The following STPG2 variants were observed in gnomAD, a reference collection of about 807,000 sequenced individuals.
STPG2 encodes the protein sperm tail PG-rich repeat containing 2, also known as sperm-tail PG-rich repeat-containing protein 2.
In STPG2, 56 loss-of-function variants were observed where a neutral mutation model predicts 54.2. That is an observed-to-expected ratio of 1.03 (90% CI 0.83 to 1.29). The LOEUF (loss-of-function observed/expected upper bound fraction) is 1.29. Ranked by LOEUF, STPG2 falls within the 50% of genes most tolerant of loss-of-function variation. The pLI, the probability that STPG2 is intolerant of heterozygous loss-of-function variation, is 0.00. For synonymous variants in STPG2, 200 were observed against 181.8 expected (o/e 1.10, Z -0.81); for missense variants, 596 against 544.9 (o/e 1.09, Z -0.93).
At chr4:97,600,688 C>T (rs1733434646) in intron 10 of STPG2, among the ~76,000 whole-genome samples, 1 of 152,210 alleles carries the variant, frequency 6.6e-6, no homozygotes, top group Middle Eastern at 3.4e-3. Context: ...CACACATACA[C>T]ACACAAAAAA....
At chr4:97,892,450 G>A (rs1730805368) in intron 8 of STPG2, among the ~76,000 whole-genome samples, 1 of 152,050 alleles carries the variant, frequency 6.6e-6, no homozygotes, top group Admixed American at 6.6e-5. Flanking sequence ...TATGGCCCAG[G>A]AAAGAGAACA....
chr4:97,592,006 A>G lies in STPG2; in HGVS notation c.1321-32889T>C, dbSNP rs115425779. 2.9e-3 allele frequency among the ~76,000 whole-genome samples: 441 copies of G among 152,330 alleles called. 3 individuals are homozygous for G. The highest frequency in any genetic ancestry group is 1.0e-2 in the African/African-American group (414 of 41,592). On this transcript the variant is annotated intron_variant, in intron 10 of 10. Coordinates refer to ENST00000295268, the MANE Select transcript of STPG2 (RefSeq NM_174952.3). ...TTAAATGATATGCCTAAAACTAAAAACATGTGAATTGTACAAAAAGGAAAT... is the reference window on the plus strand; with the variant it reads ...TTAAATGATATGCCTAAAACTAAAAGCATGTGAATTGTACAAAAAGGAAAT...
At chr4:97,932,143 A>G (rs1427795681) in intron 8 of STPG2, among the ~76,000 whole-genome samples, 1 of 152,060 alleles carries the variant, frequency 6.6e-6, no homozygotes, top group Non-Finnish European at 1.5e-5. Flanking sequence ...TTGCTTCATA[A>G]GTCTAGCTAG....
intron 8 of STPG2, among the ~76,000 whole-genome samples, chr4:97,934,146 T>C (rs1732657253): frequency 6.6e-6 from 1 of 152,210 alleles, no homozygotes; most frequent in Non-Finnish European, 1.5e-5. Context: ...GAATTACTCA[T>C]GATTTGGCTC....
At chr4:97,852,967 C>CTTTTTT (rs574886386) in intron 8 of STPG2, among the ~76,000 whole-genome samples, 4 of 69,630 alleles carry the variant, frequency 5.7e-5, no homozygotes, top group Non-Finnish European at 7.5e-5. Flanking sequence ...AACATATTTT[C>CTTTTTT]TTTTTTTTTT....
chr4:97,870,744 G>A (rs1468100834), intron 8 of STPG2, among the ~76,000 whole-genome samples: 1 of 151,202 alleles, frequency 6.6e-6, no homozygotes, highest in Non-Finnish European at 1.5e-5. Flanking sequence ...CAAATATTCA[G>A]TTCAAGACAG....
chr4:97,512,517 T>C (rs1484500355), intron 4 of STPG2, among the ~76,000 whole-genome samples: 1 of 151,810 alleles, frequency 6.6e-6, no homozygotes, highest in Admixed American at 6.6e-5. Flanking sequence ...AAAGCTAGGA[T>C]TGTGTTTGAA....
intron 9 of STPG2, among the ~76,000 whole-genome samples, chr4:97,783,970 T>G (rs1450606903): frequency 4.0e-5 from 6 of 149,550 alleles, no homozygotes; most frequent in African/African-American, 1.2e-4. Context: ...CTAATGTAAA[T>G]GACGAGTTAA....
intron 8 of STPG2, among the ~76,000 whole-genome samples, chr4:97,877,774 C>G (rs746901064): frequency 6.6e-6 from 1 of 152,070 alleles, no homozygotes; most frequent in Non-Finnish European, 1.5e-5. Flanking sequence ...AATCTCATGT[C>G]TTCACATCTC....
chr4:98,138,394 T>A (rs1349311146), intron 1 of STPG2, among the ~76,000 whole-genome samples: 1 of 151,770 alleles, frequency 6.6e-6, no homozygotes, highest in African/African-American at 2.4e-5. Flanking sequence ...AAGAAATGAG[T>A]TCAGTTTGGG....
intron 8 of STPG2, among the ~76,000 whole-genome samples, chr4:97,903,272 A>C (rs1178742549): frequency 6.6e-6 from 1 of 152,200 alleles, no homozygotes; most frequent in Non-Finnish European, 1.5e-5. Flanking sequence ...TAATATGATT[A>C]GTTGTGGCAA....
intron 4 of STPG2, among the ~76,000 whole-genome samples, chr4:97,536,893 C>T (rs990973122): frequency 6.6e-6 from 1 of 152,206 alleles, no homozygotes; most frequent in Non-Finnish European, 1.5e-5. Flanking sequence ...TGTCCTTATT[C>T]AACTTCTCTT....
intron 10 of STPG2, among the ~76,000 whole-genome samples, chr4:97,707,251 G>A (rs536671591): frequency 2.0e-5 from 3 of 152,180 alleles, no homozygotes; most frequent in South Asian, 2.1e-4. Context: ...AGCTGGGTGC[G>A]GTGGCTTAAC....
intron 4 of STPG2, among the ~76,000 whole-genome samples, chr4:97,481,914 G>A (rs563047689): frequency 6.6e-6 from 1 of 151,434 alleles, no homozygotes; most frequent in Non-Finnish European, 1.5e-5. Context: ...TCCTTGTCTT[G>A]CTTCTCATTT....
chr4:97,907,873 T>A (rs1001505013), intron 8 of STPG2, among the ~76,000 whole-genome samples: 1 of 152,122 alleles, frequency 6.6e-6, no homozygotes, highest in Non-Finnish European at 1.5e-5. Context: ...CAATTCAAGA[T>A]GGATTAAAGA....
At chr4:98,058,994 CAG>C (rs1369281661) in intron 5 of STPG2, among the ~76,000 whole-genome samples, 2 of 134,094 alleles carry the variant, frequency 1.5e-5, no homozygotes, top group African/African-American at 2.8e-5. Flanking sequence ...AAAAAAAAAA[CAG>C]AGCTGAACTG....
intron 4 of STPG2, among the ~76,000 whole-genome samples, chr4:97,498,065 A>G (rs1270611287): frequency 6.6e-6 from 1 of 151,942 alleles, no homozygotes; most frequent in Non-Finnish European, 1.5e-5. Flanking sequence ...AAAATTCAAT[A>G]AGAACTTTTC....
intron 9 of STPG2, among the ~76,000 whole-genome samples, chr4:97,771,351 G>A (rs1368345304): frequency 6.6e-6 from 1 of 152,158 alleles, no homozygotes; most frequent in Non-Finnish European, 1.5e-5. Context: ...CTAAGATAGA[G>A]TACCTAACGA....
intron 5 of STPG2, among the ~76,000 whole-genome samples, chr4:98,003,559 G>A (rs1267948626): frequency 6.6e-6 from 1 of 151,956 alleles, no homozygotes; most frequent in Non-Finnish European, 1.5e-5. Flanking sequence ...ATGAGTTCAG[G>A]CCACTCAGGA....
Sources: allele counts gnomAD v4.1 joint callset (sites outside exome capture counted in the v4.1 genomes callset), GRCh38; gene constraint gnomAD v4.1.1; transcripts MANE v1.5; gene names NCBI Gene and HGNC (gene_info 2026-07-23, HGNC 2026-07-21).